Variants in NLN observed in about 807,000 individuals in gnomAD.
The protein encoded by NLN is neurolysin, mitochondrial.
Under a neutral mutation model 79.9 loss-of-function variants are expected in NLN, and 64 were observed. The ratio of observed to expected loss-of-function variants is 0.80; its 90% CI spans 0.65 to 0.99. The LOEUF (loss-of-function observed/expected upper bound fraction) is 0.99, where lower values mean the gene tolerates loss of function less well. Among genes scored for constraint, NLN ranks in the 50% least tolerant of loss-of-function variants. NLN has a pLI of 0.00. For synonymous variants in NLN, 267 were observed against 296.6 expected, an observed-to-expected ratio of 0.90 and a Z score of 1.02; for missense variants, 835 against 858.7, an observed-to-expected ratio of 0.97 and a Z score of 0.34.
chr5:65,792,400 T>A, intron 8 of NLN, 54 bp from the exon 9 acceptor site: 2 of 1,075,468 alleles, frequency 1.9e-6, no homozygotes, highest in Non-Finnish European at 2.8e-6. Context: ...CATGCCAGTG[T>A]AGTTGCTAGA....
intron 2 of NLN, 90 bp from the exon 3 acceptor site, chr5:65,762,870 C>G (rs1759367197): frequency 2.4e-6 from 3 of 1,235,100 alleles, no homozygotes; most frequent in Non-Finnish European, 1.1e-6. Flanking sequence ...CTTTTATTGG[C>G]ATGATCATTC....
chr5:65,738,428 G>A (rs146525715), intron 1 of NLN, among the ~76,000 whole-genome samples: 57 of 151,812 alleles, frequency 3.8e-4, no homozygotes, highest in Non-Finnish European at 6.9e-4. Flanking sequence ...TACAAAAAAT[G>A]TAAAAAGCCA....
At chr5:65,790,827 T>A (rs1198092864) in intron 8 of NLN, among the ~76,000 whole-genome samples, 1 of 152,224 alleles carries the variant, frequency 6.6e-6, no homozygotes, top group Non-Finnish European at 1.5e-5. Context: ...TCAGGAGTAA[T>A]CCTTTAATAT....
At chr5:65,734,855 A>G (rs1158061229) in intron 1 of NLN, among the ~76,000 whole-genome samples, 2 of 152,196 alleles carry the variant, frequency 1.3e-5, no homozygotes, top group Non-Finnish European at 2.9e-5. Context: ...CATTATTTTT[A>G]TTCTCATAGG....
chr5:65,809,106 A>T (rs1249667701), intron 9 of NLN: 2 of 159,986 alleles, frequency 1.3e-5, no homozygotes, highest in Non-Finnish European at 2.7e-5. Flanking sequence ...TGAGTAAACA[A>T]AAGTAAGCAA....
chr5:65,742,525 G>A (rs947218176), intron 1 of NLN, among the ~76,000 whole-genome samples: 1 of 152,114 alleles, frequency 6.6e-6, no homozygotes, highest in Non-Finnish European at 1.5e-5. Flanking sequence ...TCCATATTTA[G>A]CGTAGTTCTT....
chr5:65,736,235 A>G (rs889883089), intron 1 of NLN, among the ~76,000 whole-genome samples: 1 of 152,206 alleles, frequency 6.6e-6, no homozygotes, highest in Admixed American at 6.5e-5. Flanking sequence ...TTAGTTTTGC[A>G]TAATGAAACT....
chr5:65,736,247 G>C lies in NLN; in HGVS notation c.41+13833G>C, dbSNP rs546556178. Among the ~76,000 whole-genome samples the C allele has an allele frequency of 3.3e-5, 5 of 152,226 alleles. No homozygotes were observed. In the South Asian group the frequency reaches 1.0e-3, roughly 32 times the overall value. ...GATTTAGTTTTGCATAATGAAACTA[G>C]TTTCACATGGATATGGTTCATTTTT... On this transcript the variant is annotated intron_variant, in intron 1 of 12. Coordinates refer to ENST00000380985, the MANE Select transcript of NLN (RefSeq NM_020726.5).
At chr5:65,767,962 A>G (rs1451902472) in intron 3 of NLN, among the ~76,000 whole-genome samples, 1 of 152,182 alleles carries the variant, frequency 6.6e-6, no homozygotes, top group Non-Finnish European at 1.5e-5. Flanking sequence ...CCTCATCTTC[A>G]TCTGAGACCA....
At chr5:65,767,466 G>A (rs909828046) in intron 3 of NLN, among the ~76,000 whole-genome samples, 3 of 152,200 alleles carry the variant, frequency 2.0e-5, no homozygotes, top group African/African-American at 7.2e-5. Flanking sequence ...GCAGAGAGCA[G>A]GGGAAGGAGG....
chr5:65,723,890 C>T (rs1337921843), intron 1 of NLN, among the ~76,000 whole-genome samples: 1 of 149,344 alleles, frequency 6.7e-6, no homozygotes, highest in Non-Finnish European at 1.5e-5. Context: ...CAAAAATTAC[C>T]GTGGACCTAA....
chr5:65,735,832 T>C (rs1489932553), intron 1 of NLN, among the ~76,000 whole-genome samples: 1 of 152,198 alleles, frequency 6.6e-6, no homozygotes, highest in Non-Finnish European at 1.5e-5. Flanking sequence ...AGAGAGTTTA[T>C]GTCCTTATCT....
chr5:65,788,604 G>A (rs904303479), intron 8 of NLN, 120 bp downstream of exon 8: 2 of 1,006,180 alleles, frequency 2.0e-6, no homozygotes, highest in Non-Finnish European at 3.0e-6. Context: ...GGGAGGCCAA[G>A]GTGGGAGGAT....
At chr5:65,758,507 T>C in intron 1 of NLN, 60 bp from the exon 2 acceptor site, 1 of 1,174,660 alleles carries the variant, frequency 8.5e-7, no homozygotes, top group Non-Finnish European at 1.2e-6. Flanking sequence ...TGCACATTCA[T>C]ATGTTGACTT....
chr5:65,788,420 T>C lies in NLN; in HGVS notation c.1261T>C (p.Tyr421His). ...AHVWNKSVTL[Y>H]TVKDKATGEV... ...TGTTTGGAACAAGAGTGTTACACTT[T>C]ATACTGTGAAGGATAAAGCTACAGG... is the stretch of plus-strand genomic sequence containing the variant. The change falls in exon 8 of 13, where the codon TAT becomes CAT. Residue 421 changes from tyrosine (Y) to histidine (H), a missense_variant. Coordinates refer to ENST00000380985, the MANE Select transcript of NLN (RefSeq NM_020726.5). 1 of 1,614,032 alleles carries C rather than the reference T, an allele frequency of 6.2e-7. No individual in the cohort carries two copies. Among genetic ancestry groups the C allele is most frequent in the Non-Finnish European group, 8.5e-7 (1 of 1,179,874 alleles).
At chr5:65,748,676 C>T (rs1409591595) in intron 1 of NLN, among the ~76,000 whole-genome samples, 1 of 151,880 alleles carries the variant, frequency 6.6e-6, no homozygotes, top group Non-Finnish European at 1.5e-5. Flanking sequence ...GTGCTTAAGC[C>T]CAGGAAGTTG....
chr5:65,740,497 A>C (rs187875102), intron 1 of NLN, among the ~76,000 whole-genome samples: 1 of 152,184 alleles, frequency 6.6e-6, no homozygotes, highest in Admixed American at 6.5e-5. Context: ...TTCAAAGGGA[A>C]CAAGCATTCA....
intron 8 of NLN, among the ~76,000 whole-genome samples, chr5:65,790,982 G>A (rs1409512087): frequency 6.6e-6 from 1 of 152,172 alleles, no homozygotes; most frequent in Non-Finnish European, 1.5e-5. Context: ...ACCCTGGTGT[G>A]GGTAACAGAG....
At chr5:65,811,946 GA>G (rs1321625073) in intron 11 of NLN, among the ~76,000 whole-genome samples, 2 of 152,226 alleles carry the variant, frequency 1.3e-5, no homozygotes, top group African/African-American at 2.4e-5. Flanking sequence ...ACATGTTTAA[GA>G]GATAAGAAAG....
Sources: gnomAD v4.1 joint callset for allele counts (sites outside exome capture counted in the v4.1 genomes callset) on GRCh38, gnomAD v4.1.1 for gene constraint, MANE v1.5 for transcripts, NCBI Gene and HGNC (gene_info 2026-07-23, HGNC 2026-07-21) for gene names.